Variants in BARX2 observed in about 807,000 individuals in gnomAD.
The protein encoded by BARX2 is BARX homeobox 2, also known as homeobox protein BarH-like 2.
A neutral mutation model predicts 25.5 loss-of-function variants in BARX2; 11 were observed. That is an observed-to-expected ratio of 0.43 (90% CI 0.27 to 0.71). The LOEUF is 0.71. BARX2 is among the 30% of genes least tolerant of loss of function. The pLI, the probability that BARX2 is intolerant of heterozygous loss-of-function variation, is 0.19. For missense variants in BARX2, 360 were observed against 359.9 expected (o/e 1.00, Z 0.00); for synonymous variants, 137 against 149.5 (o/e 0.92, Z 0.61).
intron 3 of BARX2, 77 bp from the exon 4 acceptor site, chr11:129,451,059 T>C (rs1862392606): frequency 6.5e-7 from 1 of 1,532,038 alleles, no homozygotes; most frequent in Non-Finnish European, 8.9e-7. Flanking sequence ...AGATGCAACG[T>C]GAGGTTATAC....
rs539782690 is a variant in BARX2 at position 129,433,702 on chromosome 11, C to G, written c.188-3049C>G. 6.6e-4 allele frequency among the ~76,000 whole-genome samples: 101 copies of G among 152,268 alleles called. 1 individual carries two copies. In the Middle Eastern group the frequency reaches 0.01, roughly 15 times the overall value. On this transcript the variant is annotated intron_variant, in intron 1 of 3. Transcript: ENST00000281437. ...CTCTCCTCTGCGTGGGGGTGCTTAC[C>G]TGCAGAAGGGTCATCTTCCCACCAT...
intron 3 of BARX2, among the ~76,000 whole-genome samples, chr11:129,446,668 T>C (rs1862333295): frequency 6.6e-6 from 1 of 152,198 alleles, no homozygotes; most frequent in Non-Finnish European, 1.5e-5. Flanking sequence ...TTTCAGGGAC[T>C]CCGCACAGCC....
intron 1 of BARX2, among the ~76,000 whole-genome samples, chr11:129,426,315 A>G (rs868680176): frequency 7.9e-5 from 12 of 152,062 alleles, no homozygotes; most frequent in Admixed American, 1.3e-4. Context: ...CGCTCTCAGC[A>G]TAAGACAGGG....
At chr11:129,416,187 A>C (rs1437608685) in intron 1 of BARX2, among the ~76,000 whole-genome samples, 2 of 152,164 alleles carry the variant, frequency 1.3e-5, no homozygotes, top group African/African-American at 4.8e-5. Flanking sequence ...GTGCTTTTTA[A>C]ATCTTAGCAC....
intron 1 of BARX2, among the ~76,000 whole-genome samples, chr11:129,402,449 C>T (rs1861787020): frequency 6.6e-6 from 1 of 152,088 alleles, no homozygotes; most frequent in African/African-American, 2.4e-5. Flanking sequence ...TGTTTGAATG[C>T]ATAAATGAGT....
chr11:129,406,201 C>T (rs889461137), intron 1 of BARX2, among the ~76,000 whole-genome samples: 1 of 152,210 alleles, frequency 6.6e-6, no homozygotes, highest in African/African-American at 2.4e-5. Flanking sequence ...TTTAAACAAA[C>T]ATTTAAGGAG....
chr11:129,398,710 TG>T (rs1369958022), intron 1 of BARX2, among the ~76,000 whole-genome samples: 1 of 152,254 alleles, frequency 6.6e-6, no homozygotes, highest in Non-Finnish European at 1.5e-5. Context: ...ATCCATCATT[TG>T]GTTAGCTAGG....
chr11:129,417,233 C>T (rs1484104072), intron 1 of BARX2, among the ~76,000 whole-genome samples: 1 of 152,146 alleles, frequency 6.6e-6, no homozygotes, highest in African/African-American at 2.4e-5. Context: ...AAAGATATTA[C>T]AGCACTCCTG....
chr11:129,442,712 A>T, intron 2 of BARX2, 123 bp from the exon 3 acceptor site: 1 of 845,510 alleles, frequency 1.2e-6, no homozygotes. Context: ...GACCTCGTTT[A>T]ATGGGGGAGG....
intron 1 of BARX2, among the ~76,000 whole-genome samples, chr11:129,387,499 C>G (rs7125641): frequency 8.7e-4 from 133 of 152,332 alleles, no homozygotes; most frequent in African/African-American, 3.1e-3. Flanking sequence ...TGGTTCCAAT[C>G]TAAGACCTTT....
intron 2 of BARX2, among the ~76,000 whole-genome samples, chr11:129,441,436 G>T (rs1419523092): frequency 6.6e-6 from 1 of 152,126 alleles, no homozygotes; most frequent in East Asian, 1.9e-4. Flanking sequence ...TTGTAGCACA[G>T]AAGTAATTTA....
chr11:129,398,169 C>T (rs55739760), intron 1 of BARX2, among the ~76,000 whole-genome samples: 46,438 of 152,054 alleles, frequency 0.31, 8,592 homozygotes, highest in East Asian at 0.53. Flanking sequence ...TTGGGTGTTT[C>T]TGTAGTTACG....
chr11:129,434,421 TAAAAAAA>T (rs56344103), intron 1 of BARX2, among the ~76,000 whole-genome samples: 1 of 76,378 alleles, frequency 1.3e-5, no homozygotes, highest in Non-Finnish European at 2.4e-5. Context: ...AAAAAGTAAG[TAAAAAAA>T]AAAAAAAAAA....
chr11:129,425,694 A>T (rs1280589453), intron 1 of BARX2, among the ~76,000 whole-genome samples: 1 of 152,194 alleles, frequency 6.6e-6, no homozygotes, highest in African/African-American at 2.4e-5. Flanking sequence ...GGATAAGGTG[A>T]TAAGACTTGG....
intron 1 of BARX2, among the ~76,000 whole-genome samples, chr11:129,419,040 A>G (rs1024888208): frequency 1.3e-5 from 2 of 152,166 alleles, no homozygotes; most frequent in African/African-American, 4.8e-5. Flanking sequence ...AGCTGCGCAC[A>G]TGAGGTGAAC....
chr11:129,401,376 T>C (rs1265489631), intron 1 of BARX2, among the ~76,000 whole-genome samples: 1 of 152,200 alleles, frequency 6.6e-6, no homozygotes, highest in Non-Finnish European at 1.5e-5. Flanking sequence ...TAATGGGTGA[T>C]AGTGAGTCCT....
chr11:129,417,528 A>C (rs896635086), intron 1 of BARX2, among the ~76,000 whole-genome samples: 1 of 152,022 alleles, frequency 6.6e-6, no homozygotes, highest in Admixed American at 6.5e-5. Flanking sequence ...TGCATTTTAA[A>C]CTCTTCTCTT....
intron 1 of BARX2, among the ~76,000 whole-genome samples, chr11:129,405,687 A>G (rs138767160): frequency 1.6e-4 from 24 of 152,356 alleles, no homozygotes; most frequent in African/African-American, 5.3e-4. Context: ...CATAGAAGAA[A>G]TGATGACTTT....
intron 1 of BARX2, among the ~76,000 whole-genome samples, chr11:129,384,059 A>T (rs1861595212): frequency 6.6e-6 from 1 of 151,984 alleles, no homozygotes; most frequent in South Asian, 2.1e-4. Flanking sequence ...TTTTTAGTAG[A>T]GATGGAGTTT....
Sources: allele counts gnomAD v4.1 joint callset (sites outside exome capture counted in the v4.1 genomes callset), GRCh38; gene constraint gnomAD v4.1.1; transcripts MANE v1.5; gene names NCBI Gene and HGNC (gene_info 2026-07-23, HGNC 2026-07-21).